SYNE3: variants seen among roughly 807,000 people sequenced by gnomAD.
The protein encoded by SYNE3 is spectrin repeat containing nuclear envelope family member 3, also known as nesprin-3.
Under a neutral mutation model 111.2 loss-of-function variants are expected in SYNE3, and 100 were observed. The observed-to-expected ratio is 0.90, with a 90% confidence interval of 0.77 to 1.06. SYNE3 has a LOEUF of 1.06. Ranked by LOEUF, SYNE3 falls within the 50% of genes least tolerant of loss-of-function variation. The pLI is 0.00. For missense variants in SYNE3, 1,160 were observed against 1,240.3 expected (o/e 0.94, Z 0.97); for synonymous variants, 547 against 533.9 (o/e 1.02, Z -0.34).
intron 17 of SYNE3, among the ~76,000 whole-genome samples, chr14:95,419,165 G>A (rs544234771): frequency 6.4e-4 from 98 of 152,322 alleles, no homozygotes; most frequent in African/African-American, 2.3e-3. Context: ...GCAAGAGCTG[G>A]TCACTCAGAA....
chr14:95,463,161 TAA>T (rs111376853), intron 4 of SYNE3, among the ~76,000 whole-genome samples: 2 of 151,308 alleles, frequency 1.3e-5, no homozygotes, highest in African/African-American at 4.9e-5. Context: ...AGTCTCAAAA[TAA>T]AAAAAAGAGT....
intron 1 of SYNE3, among the ~76,000 whole-genome samples, chr14:95,511,472 G>A (rs1446611610): frequency 1.3e-5 from 2 of 152,050 alleles, no homozygotes; most frequent in African/African-American, 4.8e-5. Context: ...AGACCGAGGT[G>A]GGTGGATCAC....
intron 2 of SYNE3, 129 bp from the exon 3 acceptor site, chr14:95,468,096 C>T (rs1888307046): frequency 9.0e-7 from 1 of 1,108,356 alleles, no homozygotes; most frequent in Non-Finnish European, 1.2e-6. Flanking sequence ...ACATCACAGC[C>T]CCTGCACCCC....
intron 15 of SYNE3, among the ~76,000 whole-genome samples, chr14:95,434,528 G>A (rs1446767623): frequency 6.6e-6 from 1 of 152,106 alleles, no homozygotes; most frequent in Non-Finnish European, 1.5e-5. Flanking sequence ...TTGCAGCCCA[G>A]TTCAAAGTCA....
At chr14:95,430,241 T>C (rs1404820315) in intron 17 of SYNE3, among the ~76,000 whole-genome samples, 1 of 151,994 alleles carries the variant, frequency 6.6e-6, no homozygotes, top group Non-Finnish European at 1.5e-5. Flanking sequence ...AGGGGCTGCA[T>C]AGGTGGGGGC....
rs1903411142 is a variant in SYNE3, at chr14:95,410,681, C to T, written c.*7145G>A. 6.6e-6 allele frequency: 1 copy of T among 152,246 alleles called. No homozygotes were observed. The highest frequency in any genetic ancestry group is 2.4e-5 in the African/African-American group (1 of 41,448). The allele number at this position is 152,246 out of a possible 1,614,324, so 9.4% of individuals were successfully genotyped here. A position where few individuals can be genotyped will look rare whatever the true frequency, so the allele number is the denominator to read the frequency against. ...AGACGATGCCAGCAACCGCCTATAT[C>T]TAGACTTCTCAGGAGGAGAGAAAAG... On this transcript the variant is annotated 3_prime_UTR_variant, in exon 18 of 18. Coordinates refer to ENST00000682763, the MANE Select transcript of SYNE3 (RefSeq NM_152592.6).
intron 11 of SYNE3, among the ~76,000 whole-genome samples, chr14:95,440,418 CT>C (rs1886352292): frequency 6.6e-6 from 1 of 152,206 alleles, no homozygotes; most frequent in Non-Finnish European, 1.5e-5. Flanking sequence ...TGGAACGTGG[CT>C]GTAGCTGATG....
Position 95,407,742 on chromosome 14 carries a change from C to T in SYNE3, c.*10084G>A, listed in dbSNP as rs1386973942. On this transcript the variant is annotated 3_prime_UTR_variant, in exon 18 of 18. Coordinates refer to ENST00000682763, the MANE Select transcript of SYNE3 (RefSeq NM_152592.6). ...GCATCTACATGCACATATACACACA[C>T]AAGTGTGAACGCATACACAAACACA... is the stretch of plus-strand genomic sequence containing the variant. 1 of 151,956 alleles carries T rather than the reference C, an allele frequency of 6.6e-6. No individual in the cohort carries two copies. The highest frequency in any genetic ancestry group is 1.5e-5 in the Non-Finnish European group (1 of 68,016). The allele number at this position is 151,956 out of a possible 1,614,324, so 9.4% of individuals were successfully genotyped here. A position where few individuals can be genotyped will look rare whatever the true frequency, so the allele number is the denominator to read the frequency against.
intron 2 of SYNE3, 105 bp downstream of exon 2, chr14:95,475,573 G>T: frequency 8.1e-7 from 1 of 1,231,978 alleles, no homozygotes; most frequent in Non-Finnish European, 1.0e-6. Context: ...GAGAAACATT[G>T]GTTTAGTCCA....
At chr14:95,447,011 T>G (rs1159339647) in intron 8 of SYNE3, among the ~76,000 whole-genome samples, 8 of 152,144 alleles carry the variant, frequency 5.3e-5, no homozygotes, top group Non-Finnish European at 1.2e-4. Context: ...ATTTTATACC[T>G]GATGATGTTG....
In SYNE3 at chr14:95,461,294, C is replaced by T. The variant is rs554316694; in HGVS notation, c.628-3956G>A. On this transcript the variant is annotated intron_variant, in intron 4 of 17. Coordinates refer to ENST00000682763, the MANE Select transcript of SYNE3 (RefSeq NM_152592.6). ...ACAGACGCGCCTTCTGTGAGGGCCG[C>T]CACGGGAAGCAGCGGGGGTGAGGAT... Among the ~76,000 whole-genome samples the T allele has an allele frequency of 8.5e-5, 13 of 152,342 alleles. No individual in the cohort carries two copies. The East Asian group carries it at 2.1e-3, about 25-fold the overall frequency.
chr14:95,513,304 A>C (rs1002660397), intron 1 of SYNE3, among the ~76,000 whole-genome samples: 2 of 151,984 alleles, frequency 1.3e-5, no homozygotes, highest in African/African-American at 4.8e-5. Flanking sequence ...TTGTGTTTTG[A>C]GCTTTTATAA....
Position 95,423,479 on chromosome 14 carries a change from A to G in SYNE3, c.2728-5453T>C, listed in dbSNP as rs372890326. Among the ~76,000 whole-genome samples the G allele has an allele frequency of 9.9e-5, 15 of 151,116 alleles. No homozygotes were observed. In the East Asian group the frequency reaches 1.6e-3, roughly 16 times the overall value. On this transcript the variant is annotated intron_variant, in intron 17 of 17. Transcript: ENST00000682763. Reference sequence around the variant, plus strand: ...GGTGATCATGATGCTTTTTGCTGATAGGGGCACGGGGATTTGATGGGCATA... The same window carrying G: ...GGTGATCATGATGCTTTTTGCTGATGGGGGCACGGGGATTTGATGGGCATA...
At chr14:95,468,695 C>T (rs61981452) in intron 2 of SYNE3, among the ~76,000 whole-genome samples, 40,272 of 152,120 alleles carry the variant, frequency 0.26, 5,830 homozygotes, top group East Asian at 0.48. Context: ...ATCCCTCTGA[C>T]CAGCCTCTCC....
chr14:95,476,610 T>C (rs1332622246), intron 1 of SYNE3, among the ~76,000 whole-genome samples: 1 of 152,276 alleles, frequency 6.6e-6, no homozygotes, highest in Non-Finnish European at 1.5e-5. Flanking sequence ...TCCTGTGACT[T>C]TCTTAAAATC....
chr14:95,432,182 TC>T, intron 16 of SYNE3, 65 bp from the exon 17 acceptor site: 2 of 1,542,936 alleles, frequency 1.3e-6, no homozygotes, highest in Non-Finnish European at 1.8e-6. Context: ...GAAACTTAAA[TC>T]CCAACAGAGC....
chr14:95,493,684 G>A (rs1227731798), intron 1 of SYNE3, among the ~76,000 whole-genome samples: 1 of 152,228 alleles, frequency 6.6e-6, no homozygotes, highest in Non-Finnish European at 1.5e-5. Flanking sequence ...GCCACCAGTG[G>A]CTGCATCGCT....
At chr14:95,464,002 A>C (rs1888008165) in intron 4 of SYNE3, among the ~76,000 whole-genome samples, 1 of 152,222 alleles carries the variant, frequency 6.6e-6, no homozygotes, top group South Asian at 2.1e-4. Context: ...CTGAGGCCAC[A>C]CAGCTGGGAA....
chr14:95,488,868 T>C (rs1032694034), intron 1 of SYNE3, among the ~76,000 whole-genome samples: 9 of 152,240 alleles, frequency 5.9e-5, no homozygotes, highest in African/African-American at 2.2e-4. Context: ...CTTTTCATCT[T>C]AGCCCTTCTG....
Sources: allele counts gnomAD v4.1 joint callset (sites outside exome capture counted in the v4.1 genomes callset), GRCh38; gene constraint gnomAD v4.1.1; transcripts MANE v1.5; gene names NCBI Gene and HGNC (gene_info 2026-07-23, HGNC 2026-07-21).